Variants in ARID5B observed in about 807,000 individuals in gnomAD.
ARID5B encodes the protein AT-rich interaction domain 5B.
ARID5B carries 13 observed loss-of-function variants against 97.2 expected under a neutral mutation model. That is an observed-to-expected ratio of 0.13 (90% CI 0.09 to 0.21). The LOEUF (loss-of-function observed/expected upper bound fraction) is 0.21, where lower values mean the gene tolerates loss of function less well. Among genes scored for constraint, ARID5B ranks in the 10% least tolerant of loss-of-function variants. The pLI is 1.00. For synonymous variants in ARID5B, 556 were observed against 570.3 expected (o/e 0.97, Z 0.36); for missense variants, 1,210 against 1,465.3 (o/e 0.83, Z 2.84).
intron 8 of ARID5B, among the ~76,000 whole-genome samples, chr10:62,071,567 A>AG (rs1554849730): frequency 2.1e-4 from 31 of 146,844 alleles, no homozygotes; most frequent in Non-Finnish European, 2.4e-4. Flanking sequence ...AAAAAAAAAA[A>AG]AGAGAGAAGG....
intron 2 of ARID5B, among the ~76,000 whole-genome samples, chr10:61,928,011 C>T (rs1046847586): frequency 6.6e-6 from 1 of 152,026 alleles, no homozygotes; most frequent in Admixed American, 6.6e-5. Flanking sequence ...GTGCTGGGAG[C>T]GGGAGGAAGG....
At chr10:62,016,225 A>G (rs1839282579) in intron 4 of ARID5B, among the ~76,000 whole-genome samples, 1 of 152,192 alleles carries the variant, frequency 6.6e-6, no homozygotes. Context: ...CATCTTATCT[A>G]TGGCTGTTTT....
chr10:61,958,926 T>G (rs1315578811), intron 3 of ARID5B, among the ~76,000 whole-genome samples: 1 of 152,260 alleles, frequency 6.6e-6, no homozygotes, highest in Non-Finnish European at 1.5e-5. Flanking sequence ...AGGCTCTTTC[T>G]TATTTTGATT....
intron 2 of ARID5B, among the ~76,000 whole-genome samples, chr10:61,921,808 A>C (rs1564602265): frequency 6.6e-6 from 1 of 152,028 alleles, no homozygotes; most frequent in Non-Finnish European, 1.5e-5. Context: ...ACTCTGTTTT[A>C]CTTTTTTCCT....
At chr10:62,049,225 C>G in intron 4 of ARID5B, 1 of 1,359,988 alleles carries the variant, frequency 7.4e-7, no homozygotes, top group Non-Finnish European at 9.5e-7. Context: ...CCCTCCCTGC[C>G]AGTCTGGCAA....
At chr10:62,090,161 A>C (rs1259763314) in intron 9 of ARID5B, among the ~76,000 whole-genome samples, 1 of 152,210 alleles carries the variant, frequency 6.6e-6, no homozygotes, top group African/African-American at 2.4e-5. Context: ...AATTTTGACA[A>C]CTTCATTTTG....
chr10:62,036,609 C>T (rs1839568053), intron 4 of ARID5B, among the ~76,000 whole-genome samples: 1 of 152,214 alleles, frequency 6.6e-6, no homozygotes, highest in African/African-American at 2.4e-5. Context: ...TGGGAATGTC[C>T]TTGTCAGCTC....
chr10:61,958,139 G>A (rs986486523), intron 3 of ARID5B, among the ~76,000 whole-genome samples: 4 of 151,908 alleles, frequency 2.6e-5, no homozygotes, highest in Non-Finnish European at 5.9e-5. Context: ...CCAGTGCATG[G>A]ATGAAGGCGT....
intron 3 of ARID5B, among the ~76,000 whole-genome samples, chr10:61,947,160 T>C (rs1313968675): frequency 6.6e-6 from 1 of 152,062 alleles, no homozygotes; most frequent in Non-Finnish European, 1.5e-5. Context: ...GCCGTTATAA[T>C]GTGACAACCC....
At chr10:62,035,329 T>A (rs1335421181) in intron 4 of ARID5B, among the ~76,000 whole-genome samples, 2 of 152,184 alleles carry the variant, frequency 1.3e-5, no homozygotes, top group East Asian at 3.9e-4. Flanking sequence ...GAGGGAGGCA[T>A]TTGTTTAGTA....
At chr10:61,952,328 T>C (rs1344655631) in intron 3 of ARID5B, among the ~76,000 whole-genome samples, 1 of 152,244 alleles carries the variant, frequency 6.6e-6, no homozygotes, top group African/African-American at 2.4e-5. Flanking sequence ...TTCTCAGCCT[T>C]CCAGCTCAGA....
intron 2 of ARID5B, among the ~76,000 whole-genome samples, chr10:61,912,825 C>A (rs1011846848): frequency 6.6e-6 from 1 of 152,044 alleles, no homozygotes; most frequent in African/African-American, 2.4e-5. Flanking sequence ...AAGTTACCCC[C>A]CAGTTGCTTG....
At chr10:62,055,978 C>T (rs1364033661) in intron 5 of ARID5B, among the ~76,000 whole-genome samples, 1 of 152,196 alleles carries the variant, frequency 6.6e-6, no homozygotes, top group Non-Finnish European at 1.5e-5. Context: ...TTGCCCTCTT[C>T]TCTCCCGATG....
At position 62,035,988 on chromosome 10, in the gene ARID5B, G is replaced by A. The variant is rs117501200; in HGVS notation, c.734-14900G>A. 6.5e-3 allele frequency among the ~76,000 whole-genome samples: 987 copies of A among 151,540 alleles called. 6 individuals carry two copies. Among genetic ancestry groups the A allele is most frequent in the South Asian group, 0.035 (170 of 4,796 alleles). ...TACAGGCGCCCGCCACCATGCCCAT[G>A]TAATTTTTGTGTTTTTAGTAGAGAC... On this transcript the variant is annotated intron_variant, in intron 4 of 9. Coordinates refer to ENST00000279873, the MANE Select transcript of ARID5B (RefSeq NM_032199.3).
intron 3 of ARID5B, among the ~76,000 whole-genome samples, chr10:61,994,662 G>C (rs1322644976): frequency 6.6e-6 from 1 of 152,128 alleles, no homozygotes; most frequent in Non-Finnish European, 1.5e-5. Flanking sequence ...ATGGTATACA[G>C]TTACTGTTTG....
chr10:61,941,801 G>C (rs752778740), intron 3 of ARID5B, among the ~76,000 whole-genome samples: 3 of 152,174 alleles, frequency 2.0e-5, no homozygotes, highest in Non-Finnish European at 4.4e-5. Context: ...TATTAGACTA[G>C]TGGTTTTCCT....
chr10:61,933,007 C>T (rs1844237944), intron 2 of ARID5B, among the ~76,000 whole-genome samples: 1 of 152,238 alleles, frequency 6.6e-6, no homozygotes, highest in African/African-American at 2.4e-5. Context: ...AGCTTGAGGC[C>T]AGGAGTTCAG....
rs1184942603 is a variant in ARID5B, at chr10:62,096,592, A to T, written c.*3562A>T. ...TAGCAGCATAATCTCTTGGCTGTTTATACTTTTTTAAACTTTCCTGTGTTG... is the reference window on the plus strand; with the variant it reads ...TAGCAGCATAATCTCTTGGCTGTTTTTACTTTTTTAAACTTTCCTGTGTTG... On this transcript the variant is annotated 3_prime_UTR_variant, in exon 10 of 10. Transcript: ENST00000279873. The T allele has an allele frequency of 4.3e-6, 1 of 233,422 alleles. No homozygotes were observed. The highest frequency in any genetic ancestry group is 5.6e-5 in the Admixed American group (1 of 17,782). The allele number at this position is 233,422 out of a possible 1,614,324, so 14.5% of individuals were successfully genotyped here.
intron 2 of ARID5B, among the ~76,000 whole-genome samples, chr10:61,910,589 T>C (rs530617328): frequency 6.6e-6 from 1 of 152,340 alleles, no homozygotes; most frequent in East Asian, 1.9e-4. Flanking sequence ...TTGCTGGAGA[T>C]GAGAACCTTG....
Sources: allele counts gnomAD v4.1 joint callset (sites outside exome capture counted in the v4.1 genomes callset), GRCh38; gene constraint gnomAD v4.1.1; transcripts MANE v1.5; gene names NCBI Gene and HGNC (gene_info 2026-07-23, HGNC 2026-07-21).